Variants in LRFN5 observed in about 807,000 individuals in gnomAD.
LRFN5 encodes the protein leucine-rich repeat and fibronectin type-III domain-containing protein 5.
LRFN5 carries 24 observed loss-of-function variants against 45.6 expected under a neutral mutation model. The ratio of observed to expected loss-of-function variants is 0.53; its 90% CI spans 0.38 to 0.74. LRFN5 has a LOEUF of 0.74. Among genes scored for constraint, LRFN5 ranks in the 30% least tolerant of loss-of-function variants. The pLI is 0.00. For missense variants in LRFN5, 776 were observed against 861.5 expected (o/e 0.90, Z 1.24); for synonymous variants, 340 against 313.8 (o/e 1.08, Z -0.88).
intron 2 of LRFN5, among the ~76,000 whole-genome samples, chr14:41,832,482 T>C (rs554307134): frequency 1.3e-5 from 2 of 152,304 alleles, no homozygotes; most frequent in African/African-American, 4.8e-5. Context: ...GAAATATTCC[T>C]CCCTTCGGAA....
intron 2 of LRFN5, among the ~76,000 whole-genome samples, chr14:41,840,573 A>G (rs558082001): frequency 6.6e-6 from 1 of 152,194 alleles, no homozygotes; most frequent in South Asian, 2.1e-4. Context: ...ATTGACAATG[A>G]TAAGAACTCT....
At chr14:41,745,718 G>A (rs971101095) in intron 1 of LRFN5, among the ~76,000 whole-genome samples, 1 of 151,838 alleles carries the variant, frequency 6.6e-6, no homozygotes, top group Non-Finnish European at 1.5e-5. Flanking sequence ...AAATAAAAAG[G>A]ATTACGAAAT....
intron 2 of LRFN5, among the ~76,000 whole-genome samples, chr14:41,801,410 G>A (rs1887327681): frequency 6.6e-6 from 1 of 152,138 alleles, no homozygotes; most frequent in African/African-American, 2.4e-5. Context: ...GTATTCGAGA[G>A]TAATGTAGAA....
At chr14:41,854,239 T>C (rs10139786) in intron 2 of LRFN5, among the ~76,000 whole-genome samples, 14,282 of 152,066 alleles carry the variant, frequency 0.094, 1,603 homozygotes, top group East Asian at 0.45. Flanking sequence ...TTCCTTTTGA[T>C]AGTTTGCTCA....
chr14:41,875,475 T>G (rs940901127), intron 2 of LRFN5, among the ~76,000 whole-genome samples: 6 of 152,220 alleles, frequency 3.9e-5, no homozygotes, highest in African/African-American at 1.4e-4. Context: ...GTTCCCAATA[T>G]CACATAGAGT....
intron 1 of LRFN5, among the ~76,000 whole-genome samples, chr14:41,629,485 G>A (rs145876167): frequency 1.3e-5 from 2 of 152,252 alleles, no homozygotes; most frequent in African/African-American, 4.8e-5. Context: ...ACTTAGGTTA[G>A]ACAAATACCA....
intron 2 of LRFN5, among the ~76,000 whole-genome samples, chr14:41,843,275 G>A (rs1046516601): frequency 6.6e-6 from 1 of 151,520 alleles, no homozygotes; most frequent in Non-Finnish European, 1.5e-5. Flanking sequence ...AATTTGTTTT[G>A]TAGAGATGAG....
intron 1 of LRFN5, among the ~76,000 whole-genome samples, chr14:41,670,526 A>G (rs1443334714): frequency 2.0e-5 from 3 of 151,512 alleles, no homozygotes; most frequent in African/African-American, 7.3e-5. Context: ...GAAATTCAAA[A>G]TAAAAATTAT....
At chr14:41,632,610 A>G (rs1888583168) in intron 1 of LRFN5, among the ~76,000 whole-genome samples, 1 of 152,186 alleles carries the variant, frequency 6.6e-6, no homozygotes, top group Non-Finnish European at 1.5e-5. Context: ...TCTCAAAAAC[A>G]AAAATAAAAG....
intron 1 of LRFN5, among the ~76,000 whole-genome samples, chr14:41,622,661 T>G (rs148870853): frequency 6.6e-6 from 1 of 152,224 alleles, no homozygotes; most frequent in African/African-American, 2.4e-5. Flanking sequence ...TAAAATATAG[T>G]AAAATTATAG....
At chr14:41,701,181 A>G (rs1395566382) in intron 1 of LRFN5, 2 of 152,166 alleles carry the variant, frequency 1.3e-5, no homozygotes, top group Non-Finnish European at 2.9e-5. Flanking sequence ...TTGTAGAACT[A>G]TGAGTCTGCT....
chr14:41,887,877 C>G lies in LRFN5; in HGVS notation c.1252C>G (p.Gln418Glu), dbSNP rs1331258826. ...SSSNGDTKLS[Q>E]DKIVVAEATS... is the part of the protein sequence containing the mutation. Reference sequence around the variant, plus strand: ...TAGTAATGGTGATACTAAATTGAGTCAAGATAAAATTGTGGTGGCAGAAGC... The same window carrying G: ...TAGTAATGGTGATACTAAATTGAGTGAAGATAAAATTGTGGTGGCAGAAGC... The change falls in exon 3 of 6, where the codon CAA (glutamine) becomes GAA (glutamate). Residue 418 changes from glutamine to glutamate, a missense_variant. Transcript: ENST00000298119. This position sits in a 1 kb window ranked among gnomAD's most constrained non-coding sequence, Gnocchi z 4.8. The G allele has an allele frequency of 1.9e-6, 3 of 1,613,976 alleles. No individual in the cohort carries two copies. In the South Asian group the frequency reaches 3.3e-5, roughly 18 times the overall value.
chr14:41,787,568 A>G (rs983333074), intron 2 of LRFN5, among the ~76,000 whole-genome samples: 1 of 151,528 alleles, frequency 6.6e-6, no homozygotes. Context: ...TCTTCAGTAG[A>G]GGTAGAAGCA....
chr14:41,825,154 C>T lies in LRFN5; in HGVS notation c.-21+58125C>T, dbSNP rs897515890. ...GCTCCATGTAGAAAGGGGGAAGGAC[C>T]GTGCCCTCTGTTCAAGCCCTGGCCC... On this transcript the variant is annotated intron_variant, in intron 2 of 5. Coordinates refer to ENST00000298119, the MANE Select transcript of LRFN5 (RefSeq NM_152447.5). Among the ~76,000 whole-genome samples the T allele has an allele frequency of 3.3e-5, 5 of 152,150 alleles. 1 individual carries two copies. Among genetic ancestry groups the T allele is most frequent in the African/African-American group, 7.2e-5 (3 of 41,446 alleles).
chr14:41,759,467 A>G (rs1885558795), intron 1 of LRFN5, among the ~76,000 whole-genome samples: 1 of 69,138 alleles, frequency 1.4e-5, no homozygotes, highest in African/African-American at 6.5e-5. Context: ...ACACACACAC[A>G]CACACACACA....
chr14:41,695,439 A>G (rs543359375), intron 1 of LRFN5, among the ~76,000 whole-genome samples: 65 of 152,090 alleles, frequency 4.3e-4, no homozygotes, highest in Admixed American at 1.4e-3. Context: ...TTGGAAAAAG[A>G]GGCCATCTAG....
intron 1 of LRFN5, among the ~76,000 whole-genome samples, chr14:41,761,328 C>T (rs1309667848): frequency 1.3e-5 from 2 of 148,272 alleles, no homozygotes; most frequent in East Asian, 2.0e-4. Context: ...ATGGGGGATA[C>T]AGGAAAAAAG....
At chr14:41,712,960 T>C (rs1023234092) in intron 1 of LRFN5, among the ~76,000 whole-genome samples, 1 of 151,676 alleles carries the variant, frequency 6.6e-6, no homozygotes, top group Admixed American at 6.6e-5. Context: ...ATAAAACAAA[T>C]GTAAAGAGAA....
intron 1 of LRFN5, among the ~76,000 whole-genome samples, chr14:41,757,035 T>A (rs1885423324): frequency 6.6e-6 from 1 of 152,206 alleles, no homozygotes; most frequent in Non-Finnish European, 1.5e-5. Context: ...CAGATCCTGT[T>A]TGCCTGGGTA....
Sources: allele counts gnomAD v4.1 joint callset (sites outside exome capture counted in the v4.1 genomes callset), GRCh38; gene constraint gnomAD v4.1.1; non-coding constraint Gnocchi (gnomAD v3.1); transcripts MANE v1.5; gene names NCBI Gene and HGNC (gene_info 2026-07-23, HGNC 2026-07-21).